Variants in KDM5A observed in about 807,000 individuals in gnomAD.
The protein encoded by KDM5A is lysine demethylase 5A, also known as lysine-specific demethylase 5A.
KDM5A carries 42 observed loss-of-function variants against 193.5 expected under a neutral mutation model. That is an observed-to-expected ratio of 0.22 (90% confidence interval 0.17 to 0.28). KDM5A has a LOEUF of 0.28. Ranked by LOEUF, KDM5A falls within the 10% of genes least tolerant of loss-of-function variation. The pLI is 1.00. For synonymous variants in KDM5A, 796 were observed against 718.1 expected (o/e 1.11, Z -1.73); for missense variants, 1,692 against 2,055.1 (o/e 0.82, Z 3.42).
intron 19 of KDM5A, among the ~76,000 whole-genome samples, chr12:317,749 A>G (rs983276487): frequency 6.6e-6 from 1 of 152,204 alleles, no homozygotes; most frequent in Non-Finnish European, 1.5e-5. Flanking sequence ...TCCAGACACA[A>G]TGAGGTGCTC....
Position 389,108 on chromosome 12 carries a change from G to A in KDM5A, c.-17C>T, listed in dbSNP as rs781092393. 27 of 1,597,958 alleles carry A rather than the reference G, an allele frequency of 1.7e-5. 2 individuals are homozygous for A. The Middle Eastern group carries it at 5.2e-4, about 31-fold the overall frequency. ...GCCCGCCATTGCAACGGCCGGGGGG[G>A]GGGGGGGGTCCCCGTGGGGAACCGG... On this transcript the variant is annotated 5_prime_UTR_variant, in exon 1 of 28. Transcript: ENST00000399788.
In KDM5A at chr12:389,264, T is replaced by C. The variant is rs1244363310; in HGVS notation, c.-173A>G. On this transcript the variant is annotated 5_prime_UTR_variant, in exon 1 of 28. Coordinates refer to ENST00000399788, the MANE Select transcript of KDM5A (RefSeq NM_001042603.3). ...GCTTCCTCCTCCCGTTTGTTATTGT[T>C]TCTTGCAAGGCTTTTCCACTGAGGT... The C allele has an allele frequency of 2.7e-6, 2 of 742,868 alleles. No individual in the cohort carries two copies. The highest frequency in any genetic ancestry group is 4.0e-5 in the Admixed American group (2 of 50,322). The allele number at this position is 742,868 out of a possible 1,614,324, so 46.0% of individuals were successfully genotyped here. A position where few individuals can be genotyped will look rare whatever the true frequency, so the allele number is the denominator to read the frequency against.
chr12:305,986 T>TG (rs1943501877), intron 24 of KDM5A, among the ~76,000 whole-genome samples: 1 of 149,812 alleles, frequency 6.7e-6, no homozygotes, highest in South Asian at 2.2e-4. Flanking sequence ...TTTTTTTTTT[T>TG]TTTTTGAGAC....
intron 5 of KDM5A, among the ~76,000 whole-genome samples, chr12:361,221 G>A (rs1324062882): frequency 6.6e-6 from 1 of 151,686 alleles, no homozygotes; most frequent in South Asian, 2.1e-4. Context: ...TGGAGACGGA[G>A]TCTTGCTCTG....
intron 10 of KDM5A, among the ~76,000 whole-genome samples, chr12:342,333 T>G (rs2137436383): frequency 6.6e-6 from 1 of 152,252 alleles, no homozygotes; most frequent in African/African-American, 2.4e-5. Context: ...TCAATTCAGC[T>G]TTACAAATAC....
intron 24 of KDM5A, among the ~76,000 whole-genome samples, chr12:300,851 A>C (rs1310930937): frequency 6.6e-6 from 1 of 152,236 alleles, no homozygotes; most frequent in Non-Finnish European, 1.5e-5. Context: ...AGGGGGTATC[A>C]CCATCAATCC....
chr12:366,714 A>C (rs571573193), intron 3 of KDM5A, among the ~76,000 whole-genome samples: 1 of 152,260 alleles, frequency 6.6e-6, no homozygotes, highest in Non-Finnish European at 1.5e-5. Context: ...CGATGAGATA[A>C]ATTGGCTAAC....
chr12:350,784 A>C lies in KDM5A; in HGVS notation c.1150-5T>G, dbSNP rs1944147444. 6.2e-7 allele frequency: 1 copy of C among 1,613,422 alleles called. No homozygotes were observed. Among genetic ancestry groups the C allele is most frequent in the East Asian group, 2.2e-5 (1 of 44,872 alleles). On this transcript the variant is annotated splice_polypyrimidine_tract_variant and splice_region_variant and intron_variant, in intron 9 of 27. Transcript: ENST00000399788. ...TACTAGTTCTGTGGGAACCATCTAC[A>C]CAGGGAAAAAAAAGATGACAAATTA...
chr12:333,362 T>C, intron 12 of KDM5A, 125 bp downstream of exon 12: 1 of 1,010,642 alleles, frequency 9.9e-7, no homozygotes, highest in Non-Finnish European at 1.5e-6. Flanking sequence ...GAGGCTGCAA[T>C]GAGCAATCAT....
rs1337623355 is a variant in KDM5A, at chr12:280,231, T to C, written c.*5225A>G. ...CCTACTTTTACAATGTGTACAATGT[T>C]TCACCATGTTCCAATTAATGGTTGA... is the stretch of plus-strand genomic sequence containing the variant. On this transcript the variant is annotated 3_prime_UTR_variant, in exon 28 of 28. Coordinates refer to ENST00000399788, the MANE Select transcript of KDM5A (RefSeq NM_001042603.3). The C allele has an allele frequency of 6.0e-5, 14 of 232,820 alleles. No homozygotes were observed. Among genetic ancestry groups the C allele is most frequent in the Middle Eastern group, 1.2e-3 (1 of 808 alleles). The allele number at this position is 232,820 out of a possible 1,614,324, so 14.4% of individuals were successfully genotyped here. A position where few individuals can be genotyped will look rare whatever the true frequency, so the allele number is the denominator to read the frequency against.
At position 323,785 on chromosome 12, in the gene KDM5A, A is replaced by C. The variant is rs1172926500; in HGVS notation, c.1969-4T>G. On this transcript the variant is annotated splice_polypyrimidine_tract_variant and splice_region_variant and intron_variant, in intron 14 of 27. Coordinates refer to ENST00000399788, the MANE Select transcript of KDM5A (RefSeq NM_001042603.3). ...CTTCTTCTGACATCAGGACACCCTG[A>C]AATATAATTTATTTCACTAGATCAA... 6.2e-7 allele frequency: 1 copy of C among 1,611,904 alleles called. No homozygotes were observed. The highest frequency in any genetic ancestry group is 1.1e-5 in the South Asian group (1 of 91,026).
At chr12:381,094 A>G (rs1944567746) in intron 3 of KDM5A, among the ~76,000 whole-genome samples, 1 of 152,118 alleles carries the variant, frequency 6.6e-6, no homozygotes, top group Non-Finnish European at 1.5e-5. Context: ...TCCCGGGTTC[A>G]AGCAATTCTC....
In KDM5A at chr12:330,054, AGTGTGTGTGT is replaced by A. The variant is rs148451707; in HGVS notation, c.1774-1035_1774-1026del. Among the ~76,000 whole-genome samples, 483 of 142,334 alleles carry A rather than the reference AGTGTGTGTGT, an allele frequency of 3.4e-3. 2 individuals carry two copies. The highest frequency in any genetic ancestry group is 0.011 in the African/African-American group (432 of 37,852). The allele number at this position is 142,334 out of a possible 152,430, so 93.4% of individuals were successfully genotyped here. On this transcript the variant is annotated intron_variant, in intron 13 of 27. Coordinates refer to ENST00000399788, the MANE Select transcript of KDM5A (RefSeq NM_001042603.3). ...AAAGAAAAAACTTTCCAAAGGAAAA[AGTGTGTGTGT>A]GTGTGTGTGTGTGTGTGTGTGTATA...
At chr12:312,730 C>T (rs1943603832) in intron 20 of KDM5A, among the ~76,000 whole-genome samples, 1 of 152,202 alleles carries the variant, frequency 6.6e-6, no homozygotes, top group African/African-American at 2.4e-5. Context: ...CACAGCTTAG[C>T]CTAGCCTACC....
chr12:346,120 C>T (rs1029611983), intron 10 of KDM5A, among the ~76,000 whole-genome samples: 3 of 152,150 alleles, frequency 2.0e-5, no homozygotes, highest in Non-Finnish European at 4.4e-5. Flanking sequence ...AAACTACCAT[C>T]AGAGAATACT....
chr12:356,544 A>C lies in KDM5A; in HGVS notation c.673-7T>G, dbSNP rs1440282773. The C allele has an allele frequency of 6.4e-7, 1 of 1,565,686 alleles. No homozygotes were observed. The highest frequency in any genetic ancestry group is 1.1e-5 in the South Asian group (1 of 90,020). Reference sequence around the variant, plus strand: ...TCACATCTCCAGATTCTGACTAAAAAATAAGCAAAATTCACATTAGCATAA... The same window carrying C: ...TCACATCTCCAGATTCTGACTAAAACATAAGCAAAATTCACATTAGCATAA... On this transcript the variant is annotated splice_region_variant and splice_polypyrimidine_tract_variant and intron_variant, in intron 5 of 27. Coordinates refer to ENST00000399788, the MANE Select transcript of KDM5A (RefSeq NM_001042603.3).
chr12:326,424 A>C (rs1159603881), intron 14 of KDM5A, among the ~76,000 whole-genome samples: 2 of 152,220 alleles, frequency 1.3e-5, no homozygotes, highest in Non-Finnish European at 2.9e-5. Flanking sequence ...ATTGTTGGGG[A>C]TATAAGGAGA....
In KDM5A at chr12:292,892, T is replaced by C; in HGVS notation, c.4733A>G (p.Glu1578Gly). The change falls in exon 27 of 28, where the codon GAG (glutamate) becomes GGG (glycine). Residue 1578 changes from glutamate to glycine, a missense_variant. Glu to Gly is a moderately conservative substitution (Grantham distance 98, BLOSUM62 -2). This residue lies in a region of KDM5A where 965 missense variants were observed against 1,061.0 expected (regional missense o/e 0.91). Transcript: ENST00000399788. ...TTTCTCTCTTTTCTTTTCAGTGCTC[T>C]CTTTCACAAGTTCAACTTTGGCTGC... ...AAAAKVELVK[E>G]STEKKREKKV... 1 of 1,614,220 alleles carries C rather than the reference T, an allele frequency of 6.2e-7. No individual in the cohort carries two copies.
chr12:365,818 T>C (rs565230430), intron 4 of KDM5A, 116 bp downstream of exon 4: 3 of 846,610 alleles, frequency 3.5e-6, no homozygotes, highest in East Asian at 2.4e-5. Context: ...CACTATGATA[T>C]ACACTTTGCT....
Sources: gnomAD v4.1 joint callset for allele counts (sites outside exome capture counted in the v4.1 genomes callset) on GRCh38, gnomAD v4.1.1 for gene constraint, gnomAD v4.1.1 regional missense constraint, MANE v1.5 for transcripts, NCBI Gene and HGNC (gene_info 2026-07-23, HGNC 2026-07-21) for gene names.